Variants in CFAP299 observed in about 807,000 individuals in gnomAD.
The protein encoded by CFAP299 is cilia- and flagella-associated protein 299.
Under a neutral mutation model 27.0 loss-of-function variants are expected in CFAP299, and 21 were observed. The observed-to-expected ratio is 0.78, with a 90% CI of 0.55 to 1.12. The LOEUF (loss-of-function observed/expected upper bound fraction) is 1.12. Among genes scored for constraint, CFAP299 ranks in the 50% most tolerant of loss-of-function variants. The pLI, the probability that CFAP299 is intolerant of heterozygous loss-of-function variation, is 0.00. For synonymous variants in CFAP299, 104 were observed against 98.1 expected, an observed-to-expected ratio of 1.06 and a Z score of -0.36; for missense variants, 310 against 276.6, an observed-to-expected ratio of 1.12 and a Z score of -0.86.
intron 3 of CFAP299, among the ~76,000 whole-genome samples, chr4:80,829,456 A>C (rs1730177396): frequency 6.6e-6 from 1 of 152,036 alleles, no homozygotes; most frequent in African/African-American, 2.4e-5. Flanking sequence ...AGAAATTGGA[A>C]CTCTTGTGCA....
At chr4:80,693,665 C>A (rs1720899078) in intron 3 of CFAP299, among the ~76,000 whole-genome samples, 1 of 150,370 alleles carries the variant, frequency 6.7e-6, no homozygotes, top group Non-Finnish European at 1.5e-5. Flanking sequence ...ACATTGTGCA[C>A]ATGTACCCTA....
rs550490758 is a variant in CFAP299 at position 80,942,324 on chromosome 4, C to T, written c.477-2486C>T. ...TGCAGGCTCTGGAGTCAGTCTTTAA[C>T]GTTGGAATCCAAGTGGTCATTTTCC... On this transcript the variant is annotated intron_variant, in intron 4 of 5. Transcript: ENST00000358105. Among the ~76,000 whole-genome samples, 30 of 152,190 alleles carry T rather than the reference C, an allele frequency of 2.0e-4. No homozygotes were observed. In the South Asian group the frequency reaches 6.2e-3, roughly 32 times the overall value.
At chr4:80,911,958 AAT>A (rs948200451) in intron 4 of CFAP299, among the ~76,000 whole-genome samples, 44 of 152,068 alleles carry the variant, frequency 2.9e-4, no homozygotes, top group Admixed American at 7.9e-4. Flanking sequence ...TAAAAAAAAA[AAT>A]ATATGTACTG....
intron 3 of CFAP299, among the ~76,000 whole-genome samples, chr4:80,598,223 C>T (rs1247286555): frequency 3.3e-5 from 5 of 152,160 alleles, no homozygotes; most frequent in South Asian, 2.1e-4. Context: ...GACACTCCAA[C>T]GTATCATCCC....
chr4:80,801,302 A>C (rs1728581837), intron 3 of CFAP299, among the ~76,000 whole-genome samples: 2 of 151,958 alleles, frequency 1.3e-5, no homozygotes, highest in Non-Finnish European at 2.9e-5. Flanking sequence ...GGGGTTATCC[A>C]CATCCCAAGA....
chr4:80,438,829 A>C (rs1050997028), intron 2 of CFAP299, among the ~76,000 whole-genome samples: 3 of 152,308 alleles, frequency 2.0e-5, no homozygotes, highest in East Asian at 3.9e-4. Context: ...CCATACAAGA[A>C]AGTGATTTGT....
intron 2 of CFAP299, among the ~76,000 whole-genome samples, chr4:80,490,140 A>T (rs1428839899): frequency 6.6e-6 from 1 of 152,178 alleles, no homozygotes; most frequent in Non-Finnish European, 1.5e-5. Flanking sequence ...CTTTATCATG[A>T]TCCATGTTAC....
At position 80,963,510 on chromosome 4, in the gene CFAP299, A is replaced by AT; in HGVS notation, c.607-3dup. ...ACTTGACTAACAATGTAATTTATGT[A>AT]TTTTAGGCGCAGCCAGGTGACAACT... On this transcript the variant is annotated splice_polypyrimidine_tract_variant and splice_region_variant and intron_variant, in intron 5 of 5. Transcript: ENST00000358105. 6.4e-7 allele frequency: 1 copy of AT among 1,568,068 alleles called. No individual in the cohort carries two copies. Among genetic ancestry groups the AT allele is most frequent in the Non-Finnish European group, 8.7e-7 (1 of 1,152,966 alleles).
intron 3 of CFAP299, among the ~76,000 whole-genome samples, chr4:80,691,698 A>G (rs1387182831): frequency 6.6e-6 from 1 of 151,594 alleles, no homozygotes; most frequent in Non-Finnish European, 1.5e-5. Flanking sequence ...GGCCAGGGCA[A>G]TCAGGCAGGA....
intron 2 of CFAP299, chr4:80,386,448 G>A (rs1220486975): frequency 5.2e-6 from 8 of 1,541,148 alleles, no homozygotes; most frequent in African/African-American, 4.1e-5. Flanking sequence ...AGGCAAGGGG[G>A]TCACCACCTT....
At chr4:80,800,261 T>G (rs1357011561) in intron 3 of CFAP299, among the ~76,000 whole-genome samples, 1 of 63,696 alleles carries the variant, frequency 1.6e-5, no homozygotes, top group Non-Finnish European at 2.5e-5. Context: ...ATATATTATA[T>G]AAATAAAATA....
chr4:80,872,159 A>C (rs186334790), intron 4 of CFAP299: 4 of 152,190 alleles, frequency 2.6e-5, no homozygotes, highest in African/African-American at 9.6e-5. Context: ...AATGCAGTAT[A>C]ATTTTTTTCT....
chr4:80,547,843 G>A (rs1326804200), intron 2 of CFAP299, among the ~76,000 whole-genome samples: 6 of 152,090 alleles, frequency 3.9e-5, no homozygotes, highest in Admixed American at 3.9e-4. Context: ...TTTCACACCA[G>A]TCAGAATACC....
intron 2 of CFAP299, among the ~76,000 whole-genome samples, chr4:80,557,576 A>G (rs1034088933): frequency 6.6e-6 from 1 of 152,094 alleles, no homozygotes; most frequent in Non-Finnish European, 1.5e-5. Flanking sequence ...TAGTTAGGTT[A>G]CTCATTGCAT....
chr4:80,397,721 G>T (rs879355829), intron 2 of CFAP299, among the ~76,000 whole-genome samples: 1 of 152,128 alleles, frequency 6.6e-6, no homozygotes, highest in African/African-American at 2.4e-5. Flanking sequence ...CAAACCCACA[G>T]CCAGTATCAT....
chr4:80,531,098 A>T (rs1461684835), intron 2 of CFAP299, among the ~76,000 whole-genome samples: 2 of 152,190 alleles, frequency 1.3e-5, no homozygotes, highest in African/African-American at 4.8e-5. Context: ...AAGTAGGAAG[A>T]TCAATTAAAA....
intron 3 of CFAP299, among the ~76,000 whole-genome samples, chr4:80,802,987 G>T (rs1728688761): frequency 6.6e-6 from 1 of 151,992 alleles, no homozygotes; most frequent in Non-Finnish European, 1.5e-5. Context: ...CAAAAGTAGG[G>T]TTAAACATCA....
the CFAP299 span, among the ~76,000 whole-genome samples, chr4:80,322,679 T>C: frequency 6.6e-6 from 1 of 152,182 alleles, no homozygotes; most frequent in Admixed American, 6.5e-5. Context: ...CAAATAATCA[T>C]TTCAGTAGGA....
chr4:80,712,493 G>T (rs1323868383), intron 3 of CFAP299, among the ~76,000 whole-genome samples: 1 of 152,166 alleles, frequency 6.6e-6, no homozygotes, highest in Non-Finnish European at 1.5e-5. Flanking sequence ...GCTTGAGCTT[G>T]TAGTGCTGGC....
Sources: gnomAD v4.1 joint callset for allele counts (sites outside exome capture counted in the v4.1 genomes callset) on GRCh38, gnomAD v4.1.1 for gene constraint, MANE v1.5 for transcripts, NCBI Gene and HGNC (gene_info 2026-07-23, HGNC 2026-07-21) for gene names.